The following E2F3 variants were observed in gnomAD, a reference collection of about 807,000 sequenced individuals.
The protein encoded by E2F3 is transcription factor E2F3.
In E2F3, 11 loss-of-function variants were observed where a neutral mutation model predicts 44.4. The ratio of observed to expected loss-of-function variants is 0.25; its 90% CI spans 0.16 to 0.41. The LOEUF (loss-of-function observed/expected upper bound fraction) is 0.41, where lower values mean the gene tolerates loss of function less well. Ranked by LOEUF, E2F3 falls within the 10% of genes least tolerant of loss-of-function variation. The pLI is 1.00. For missense variants in E2F3, 487 were observed against 583.6 expected (o/e 0.83, Z 1.70); for synonymous variants, 249 against 253.0 (o/e 0.98, Z 0.15).
In E2F3 at chr6:20,457,729, A is replaced by G. The variant is rs146071558; in HGVS notation, c.394-22117A>G. On this transcript the variant is annotated intron_variant, in intron 1 of 6. Transcript: ENST00000346618. Reference sequence around the variant, plus strand: ...ATTCAAATAAATTGTTGCTCTTCCTATAATCATTGAGCTGCTGAATAGAGC... The same window carrying G: ...ATTCAAATAAATTGTTGCTCTTCCTGTAATCATTGAGCTGCTGAATAGAGC... Among the ~76,000 whole-genome samples the G allele has an allele frequency of 2.0e-5, 3 of 152,204 alleles. No homozygotes were observed. In the East Asian group the frequency reaches 5.8e-4, roughly 29 times the overall value.
intron 1 of E2F3, among the ~76,000 whole-genome samples, chr6:20,420,017 C>T (rs1759972309): frequency 1.3e-5 from 2 of 152,172 alleles, no homozygotes; most frequent in Admixed American, 1.3e-4. Flanking sequence ...TGGCGCATGC[C>T]ATCACACCCG....
intron 6 of E2F3, among the ~76,000 whole-genome samples, chr6:20,488,862 C>T (rs1762475363): frequency 6.6e-6 from 1 of 152,092 alleles, no homozygotes; most frequent in Non-Finnish European, 1.5e-5. Flanking sequence ...TGCGTGGTGG[C>T]ACGTGCCTGT....
At chr6:20,416,999 C>A (rs543503247) in intron 1 of E2F3, among the ~76,000 whole-genome samples, 1 of 152,274 alleles carries the variant, frequency 6.6e-6, no homozygotes, top group African/African-American at 2.4e-5. Flanking sequence ...TTTTCCTTGC[C>A]TGATATACAA....
chr6:20,407,423 G>T (rs115266739), intron 1 of E2F3, among the ~76,000 whole-genome samples: 2 of 152,036 alleles, frequency 1.3e-5, no homozygotes, highest in Non-Finnish European at 2.9e-5. Flanking sequence ...TCTATAAATC[G>T]CCACCTTGTG....
intron 1 of E2F3, among the ~76,000 whole-genome samples, chr6:20,475,908 G>A (rs1762028193): frequency 6.6e-6 from 1 of 152,200 alleles, no homozygotes; most frequent in Non-Finnish European, 1.5e-5. Flanking sequence ...AGCCTCAGAT[G>A]AAGTTTCTCT....
chr6:20,461,856 C>T (rs1023051196), intron 1 of E2F3, among the ~76,000 whole-genome samples: 1 of 152,178 alleles, frequency 6.6e-6, no homozygotes, highest in African/African-American at 2.4e-5. Flanking sequence ...ACTCTTCTCC[C>T]GAGGGGCCCT....
At chr6:20,431,374 C>T (rs150088549) in intron 1 of E2F3, among the ~76,000 whole-genome samples, 4 of 152,326 alleles carry the variant, frequency 2.6e-5, no homozygotes, top group East Asian at 1.9e-4. Context: ...GCTCCCACCT[C>T]GCATCCCATG....
At chr6:20,417,912 C>A (rs1288777335) in intron 1 of E2F3, among the ~76,000 whole-genome samples, 1 of 152,118 alleles carries the variant, frequency 6.6e-6, no homozygotes, top group African/African-American at 2.4e-5. Context: ...TTCTGTCTAC[C>A]TACAGCCAAA....
chr6:20,475,919 C>T (rs1478612221), intron 1 of E2F3, among the ~76,000 whole-genome samples: 2 of 152,218 alleles, frequency 1.3e-5, no homozygotes, highest in Non-Finnish European at 2.9e-5. Flanking sequence ...AAGTTTCTCT[C>T]TATCTGTAGT....
Position 20,431,111 on chromosome 6 carries a change from A to G in E2F3, c.393+28486A>G, listed in dbSNP as rs577795048. On this transcript the variant is annotated intron_variant, in intron 1 of 6. Coordinates refer to ENST00000346618, the MANE Select transcript of E2F3 (RefSeq NM_001949.5). ...TTCTCACTTAAAACACAGAATTCAC[A>G]AGAGTGTGCTGAAAATGAGCATGCC... Among the ~76,000 whole-genome samples, 167 of 152,326 alleles carry G rather than the reference A, an allele frequency of 1.1e-3. 1 individual carries two copies. Among genetic ancestry groups the G allele is most frequent in the South Asian group, 2.1e-3 (10 of 4,824 alleles).
intron 1 of E2F3, among the ~76,000 whole-genome samples, chr6:20,453,962 G>A (rs1208229499): frequency 1.3e-5 from 2 of 152,138 alleles, no homozygotes; most frequent in Non-Finnish European, 2.9e-5. Context: ...GAATGAATGA[G>A]GTTAACAACC....
intron 1 of E2F3, chr6:20,445,179 C>G (rs1561863940): frequency 1.0e-6 from 1 of 964,128 alleles, no homozygotes; most frequent in African/African-American, 1.8e-5. Flanking sequence ...AAATAGAATA[C>G]TACCAACATC....
At chr6:20,455,989 ATTC>A (rs1761297292) in intron 1 of E2F3, among the ~76,000 whole-genome samples, 1 of 152,170 alleles carries the variant, frequency 6.6e-6, no homozygotes, top group South Asian at 2.1e-4. Context: ...GGCTTTTGGT[ATTC>A]TTCCATTTTT....
At chr6:20,477,357 G>T (rs1762082508) in intron 1 of E2F3, among the ~76,000 whole-genome samples, 2 of 152,136 alleles carry the variant, frequency 1.3e-5, no homozygotes, top group African/African-American at 4.8e-5. Flanking sequence ...TTCTTACAAT[G>T]AAGTTAGAGA....
intron 1 of E2F3, among the ~76,000 whole-genome samples, chr6:20,418,642 CAGA>C (rs1561850975): frequency 6.6e-6 from 1 of 152,292 alleles, no homozygotes; most frequent in East Asian, 1.9e-4. Context: ...TGTTCTCGAT[CAGA>C]AGGTTATTAG....
chr6:20,449,735 A>G (rs766915600), intron 1 of E2F3, among the ~76,000 whole-genome samples: 16 of 152,032 alleles, frequency 1.1e-4, no homozygotes, highest in African/African-American at 1.9e-4. Flanking sequence ...TAAGCCTAGT[A>G]CCCATTAGTT....
intron 1 of E2F3, among the ~76,000 whole-genome samples, chr6:20,471,426 T>C (rs1761886376): frequency 6.6e-6 from 1 of 151,960 alleles, no homozygotes; most frequent in African/African-American, 2.4e-5. Context: ...CTATTAAAAA[T>C]ACAAAATTAG....
At chr6:20,463,865 G>A (rs762844042) in intron 1 of E2F3, among the ~76,000 whole-genome samples, 11 of 152,176 alleles carry the variant, frequency 7.2e-5, no homozygotes, top group Non-Finnish European at 1.3e-4. Context: ...AATGCCAGTC[G>A]CAAGCCCCAG....
Position 20,401,923 on chromosome 6 carries a change from G to A in E2F3, c.-310G>A. On this transcript the variant is annotated 5_prime_UTR_variant, in exon 1 of 7. Transcript: ENST00000346618. The stretch of plus-strand genomic sequence containing the variant: ...TTCCTGGAGCCATTTTTCAGCTGCC[G>A]GCCGCAGCACCCGGGCTGCCGCCGC... 1 of 394,988 alleles carries A rather than the reference G, an allele frequency of 2.5e-6. No individual in the cohort carries two copies. Among genetic ancestry groups the A allele is most frequent in the Non-Finnish European group, 4.4e-6 (1 of 225,042 alleles). The allele number at this position is 394,988 out of a possible 1,614,324, so 24.5% of individuals were successfully genotyped here. A position where few individuals can be genotyped will look rare whatever the true frequency, so the allele number is the denominator to read the frequency against.
Sources: allele counts gnomAD v4.1 joint callset (sites outside exome capture counted in the v4.1 genomes callset), GRCh38; gene constraint gnomAD v4.1.1; transcripts MANE v1.5; gene names NCBI Gene and HGNC (gene_info 2026-07-23, HGNC 2026-07-21).